TMIGD1: variants seen among roughly 807,000 people sequenced by gnomAD.
The protein encoded by TMIGD1 is transmembrane and immunoglobulin domain containing 1.
A neutral mutation model predicts 27.5 loss-of-function variants in TMIGD1; 29 were observed. The observed-to-expected ratio is 1.05, with a 90% CI of 0.78 to 1.44. The LOEUF (loss-of-function observed/expected upper bound fraction) is 1.44, where lower values mean the gene tolerates loss of function less well. Among genes scored for constraint, TMIGD1 ranks in the 40% most tolerant of loss-of-function variants. TMIGD1 has a pLI of 0.00. For synonymous variants in TMIGD1, 109 were observed against 110.3 expected (o/e 0.99, Z 0.07); for missense variants, 334 against 310.6 (o/e 1.08, Z -0.57).
chr17:30,329,608 A>C (rs773996081), intron 2 of TMIGD1, 79 bp from the exon 3 acceptor site: 4 of 1,220,328 alleles, frequency 3.3e-6, no homozygotes, highest in Non-Finnish European at 4.6e-6. Context: ...TGGTTAAATA[A>C]GTTATGTTAC....
intron 2 of TMIGD1, 94 bp from the exon 3 acceptor site, chr17:30,329,623 G>A: frequency 1.0e-6 from 1 of 1,000,890 alleles, no homozygotes; most frequent in Non-Finnish European, 1.5e-6. Context: ...TGTTACATCA[G>A]TAGAACAAAA....
intron 4 of TMIGD1, among the ~76,000 whole-genome samples, chr17:30,320,087 G>A (rs1173957376): frequency 6.6e-6 from 1 of 151,786 alleles, no homozygotes; most frequent in African/African-American, 2.4e-5. Flanking sequence ...GCCCAGGCTG[G>A]AGTACGGTGG....
At chr17:30,325,630 T>G (rs991331634) in intron 3 of TMIGD1, among the ~76,000 whole-genome samples, 6 of 152,202 alleles carry the variant, frequency 3.9e-5, no homozygotes, top group African/African-American at 1.4e-4. Flanking sequence ...ATAATCCCTG[T>G]AAAGAATTTG....
In TMIGD1 at chr17:30,329,546, A is replaced by G; in HGVS notation, c.83-17T>C. 1 of 1,601,450 alleles carries G rather than the reference A, an allele frequency of 6.2e-7. No individual in the cohort carries two copies. Among genetic ancestry groups the G allele is most frequent in the South Asian group, 1.1e-5 (1 of 90,624 alleles). ...AAACAGAACCTGGGAGTATAGGGAG[A>G]AACTATTTAGATATACAGAGTAAAC... On this transcript the variant is annotated splice_polypyrimidine_tract_variant and intron_variant, in intron 2 of 6. Coordinates refer to ENST00000328886, the MANE Select transcript of TMIGD1 (RefSeq NM_206832.3).
chr17:30,316,448 A>T lies in TMIGD1; in HGVS notation c.*239T>A. The T allele has an allele frequency of 2.2e-6, 1 of 452,214 alleles. No individual in the cohort carries two copies. Among genetic ancestry groups the T allele is most frequent in the South Asian group, 4.2e-5 (1 of 23,980 alleles). 28.0% of individuals were successfully genotyped at this position (452,214 alleles called of 1,614,324 possible). ...ACCTATTTGGAACAAATCTCAATTA[A>T]TTAACATATACTTCAAGGAGAAGAC... On this transcript the variant is annotated 3_prime_UTR_variant, in exon 7 of 7. Coordinates refer to ENST00000328886, the MANE Select transcript of TMIGD1 (RefSeq NM_206832.3).
intron 4 of TMIGD1, among the ~76,000 whole-genome samples, chr17:30,321,123 G>A (rs1457595989): frequency 6.6e-6 from 1 of 151,666 alleles, no homozygotes; most frequent in African/African-American, 2.4e-5. Context: ...CTCCTAAAGT[G>A]CTGGGATTAT....
In TMIGD1 at chr17:30,324,891, C is replaced by G. The variant is rs1309060550; in HGVS notation, c.565G>C (p.Asp189His). The G allele has an allele frequency of 6.2e-7, 1 of 1,614,184 alleles. No homozygotes were observed. The highest frequency in any genetic ancestry group is 1.1e-5 in the South Asian group (1 of 91,084). ...QLSITKVEKP[D>H]NGTYSCIAKS... The stretch of plus-strand genomic sequence containing the variant: ...GCAATACAACTGTAGGTTCCGTTGT[C>G]AGGCTTCTCGACTTTGGTGATTGAC... The change falls in exon 4 of 7, where the codon GAC becomes CAC. Residue 189 changes from aspartate (D) to histidine (H), a missense_variant. Transcript: ENST00000328886.
chr17:30,329,882 G>A (rs1909916711), intron 2 of TMIGD1, among the ~76,000 whole-genome samples: 1 of 151,382 alleles, frequency 6.6e-6, no homozygotes, highest in South Asian at 2.1e-4. Context: ...ATCAGCCTGG[G>A]TAACATAGTG....
rs1020474032 is a variant in TMIGD1, at chr17:30,332,007, A to G, written c.82+45T>C. 4.3e-6 allele frequency: 6 copies of G among 1,406,772 alleles called. No individual in the cohort carries two copies. In the African/African-American group the frequency reaches 4.3e-5, roughly 10 times the overall value. 87.1% of individuals were successfully genotyped at this position (1,406,772 alleles called of 1,614,324 possible). ...CCATTGATCACTTTTCTTAATCGGAAATTTTTCTTTATCTAAAAAGAGGCC... is the reference window on the plus strand; with the variant it reads ...CCATTGATCACTTTTCTTAATCGGAGATTTTTCTTTATCTAAAAAGAGGCC... On this transcript the variant is annotated intron_variant, in intron 2 of 6. Transcript: ENST00000328886.
At chr17:30,321,321 A>C (rs189572564) in intron 4 of TMIGD1, among the ~76,000 whole-genome samples, 1 of 152,302 alleles carries the variant, frequency 6.6e-6, no homozygotes, top group East Asian at 1.9e-4. Context: ...AAAAAGTAAC[A>C]AAGTAAAAGT....
At position 30,316,398 on chromosome 17, in the gene TMIGD1, C is replaced by A. The variant is rs1310063630; in HGVS notation, c.*289G>T. ...AAGTATCTCCTACCTAGAAAAAAAA[C>A]ACACTAAACAGTAAATGATTACCAA... On this transcript the variant is annotated 3_prime_UTR_variant, in exon 7 of 7. Coordinates refer to ENST00000328886, the MANE Select transcript of TMIGD1 (RefSeq NM_206832.3). 9 of 227,444 alleles carry A rather than the reference C, an allele frequency of 4.0e-5. No individual in the cohort carries two copies. Among genetic ancestry groups the A allele is most frequent in the African/African-American group, 9.8e-5 (4 of 40,786 alleles). The allele number at this position is 227,444 out of a possible 1,614,324, so 14.1% of individuals were successfully genotyped here.
rs779487208 is a variant in TMIGD1, at chr17:30,325,012, G to T, written c.444C>A (p.Asn148Lys). 8.1e-6 allele frequency: 13 copies of T among 1,613,972 alleles called. No individual in the cohort carries two copies. The South Asian group carries it at 1.3e-4, about 16-fold the overall frequency. Residue 148 changes from asparagine (N) to lysine (K), a missense_variant, in exon 4 of 7, where the codon AAC (asparagine) becomes AAA (lysine). By Grantham distance (94) the Asn-to-Lys change is moderately conservative. Transcript: ENST00000328886. ...NVKLVCNVKA[N>K]PQAQMMWYKN... ...TGTACCACATCATTTGAGCCTGGGG[G>T]TTGGCTTTCACATTGCAAACCAACT...
chr17:30,317,108 T>A, intron 6 of TMIGD1, 85 bp downstream of exon 6: 1 of 1,438,516 alleles, frequency 7.0e-7, no homozygotes, highest in African/African-American at 1.4e-5. Flanking sequence ...GCACCTCCCA[T>A]CTCTGGAGTT....
chr17:30,329,646 G>A (rs962316447), intron 2 of TMIGD1, 117 bp from the exon 3 acceptor site: 5 of 722,530 alleles, frequency 6.9e-6, no homozygotes, highest in African/African-American at 3.6e-5. Context: ...AACTCTCAAC[G>A]ATTAAAAATA....
At chr17:30,331,929 C>G in intron 2 of TMIGD1, 123 bp downstream of exon 2, 1 of 667,012 alleles carries the variant, frequency 1.5e-6, no homozygotes, top group Non-Finnish European at 2.6e-6. Flanking sequence ...GTACTGTGAG[C>G]CATGCTAACT....
At chr17:30,317,258 T>G in intron 5 of TMIGD1, 25 bp from the exon 6 acceptor site, 1 of 1,613,852 alleles carries the variant, frequency 6.2e-7, no homozygotes, top group Non-Finnish European at 8.5e-7. Flanking sequence ...GGCAGTAAAT[T>G]AGCCTGCTTT....
At chr17:30,320,185 G>C (rs755306825) in intron 4 of TMIGD1, among the ~76,000 whole-genome samples, 2 of 151,718 alleles carry the variant, frequency 1.3e-5, no homozygotes, top group Non-Finnish European at 2.9e-5. Context: ...TTACAGGCAC[G>C]TGCTACCATA....
intron 4 of TMIGD1, among the ~76,000 whole-genome samples, chr17:30,322,675 G>T (rs568089471): frequency 1.3e-5 from 2 of 152,010 alleles, no homozygotes; most frequent in Admixed American, 1.3e-4. Context: ...AATTTTTTTT[G>T]TATTTTTAGT....
In TMIGD1 at chr17:30,318,896, G is replaced by A. The variant is rs1909509051; in HGVS notation, c.658C>T (p.Pro220Ser). 2 of 1,612,958 alleles carry A rather than the reference G, an allele frequency of 1.2e-6. No individual in the cohort carries two copies. ...CATGCAGCAATAATGGGCTCTATTG[G>A]TACACCCACAGTTTTATCTGTAGGA... ...LIVKDKTVGVPIEPIIAACVV... is the reference protein window; with the variant it reads ...LIVKDKTVGVSIEPIIAACVV... Residue 220 changes from proline (P) to serine (S), a missense_variant, in exon 5 of 7, where the codon CCA (proline) becomes TCA (serine). Coordinates refer to ENST00000328886, the MANE Select transcript of TMIGD1 (RefSeq NM_206832.3).
Sources: gnomAD v4.1 joint callset for allele counts (sites outside exome capture counted in the v4.1 genomes callset) on GRCh38, gnomAD v4.1.1 for gene constraint, MANE v1.5 for transcripts, NCBI Gene and HGNC (gene_info 2026-07-23, HGNC 2026-07-21) for gene names.